Variants in ELAVL2 observed in about 807,000 individuals in gnomAD.
ELAVL2 encodes ELAV like RNA binding protein 2, also known as ELAV-like protein 2.
ELAVL2 carries 4 observed loss-of-function variants against 34.6 expected under a neutral mutation model. The observed-to-expected ratio is 0.12, with a 90% CI of 0.06 to 0.26. The LOEUF is 0.26. Among genes scored for constraint, ELAVL2 ranks in the 10% least tolerant of loss-of-function variants. The pLI, the probability that ELAVL2 is intolerant of heterozygous loss-of-function variation, is 1.00. For synonymous variants in ELAVL2, 193 were observed against 154.8 expected, an observed-to-expected ratio of 1.25 and a Z score of -1.83; for missense variants, 432 against 442.8, an observed-to-expected ratio of 0.98 and a Z score of 0.22.
intron 1 of ELAVL2, among the ~76,000 whole-genome samples, chr9:23,824,599 C>G (rs946812164): frequency 6.6e-6 from 1 of 152,174 alleles, no homozygotes; most frequent in Non-Finnish European, 1.5e-5. Context: ...ATTTAAACTT[C>G]TCTTAGGAAA....
chr9:23,723,958 C>T (rs1424249833), intron 3 of ELAVL2, among the ~76,000 whole-genome samples: 1 of 152,144 alleles, frequency 6.6e-6, no homozygotes, highest in Admixed American at 6.6e-5. Context: ...CTACCTTACA[C>T]AGAAGCAATA....
intron 1 of ELAVL2, among the ~76,000 whole-genome samples, chr9:23,776,086 G>A (rs1204066067): frequency 1.3e-5 from 2 of 152,104 alleles, no homozygotes; most frequent in African/African-American, 2.4e-5. Context: ...CTGCCAAGTG[G>A]GAAAAATTTC....
intron 5 of ELAVL2, among the ~76,000 whole-genome samples, chr9:23,698,774 A>G (rs1406741808): frequency 6.6e-6 from 1 of 152,222 alleles, no homozygotes; most frequent in Non-Finnish European, 1.5e-5. Flanking sequence ...GGAAATCAAG[A>G]TAATGACAAC....
chr9:23,699,165 A>G (rs186571221), intron 5 of ELAVL2, among the ~76,000 whole-genome samples: 2 of 152,212 alleles, frequency 1.3e-5, no homozygotes, highest in East Asian at 1.9e-4. Flanking sequence ...AAATTTGACC[A>G]TAAGAACATC....
chr9:23,765,019 G>C (rs756821196), intron 1 of ELAVL2: 22 of 1,609,426 alleles, frequency 1.4e-5, no homozygotes, highest in East Asian at 6.7e-5. Context: ...CCCGGTCCAA[G>C]GCTCTGCTGC....
chr9:23,831,418 A>C, the ELAVL2 span: 6 of 152,086 alleles, frequency 3.9e-5, no homozygotes, highest in African/African-American at 1.5e-4. Flanking sequence ...GTGTGTTCAG[A>C]TCAAACCCTT....
At chr9:23,763,770 T>C (rs543618128) in intron 1 of ELAVL2, among the ~76,000 whole-genome samples, 7 of 152,148 alleles carry the variant, frequency 4.6e-5, no homozygotes, top group Middle Eastern at 6.8e-3. Context: ...GCTGTCATGA[T>C]AAAAAAACAT....
intron 3 of ELAVL2, among the ~76,000 whole-genome samples, chr9:23,713,406 G>A (rs761837214): frequency 5.3e-5 from 8 of 152,162 alleles, no homozygotes; most frequent in Non-Finnish European, 1.2e-4. Context: ...GCCATTCCAA[G>A]TCTAAGCAGG....
At chr9:23,753,637 C>T (rs1042714118) in intron 2 of ELAVL2, among the ~76,000 whole-genome samples, 2 of 152,034 alleles carry the variant, frequency 1.3e-5, no homozygotes, top group South Asian at 4.1e-4. Context: ...TGTTTTTTAT[C>T]TTCTAACTGA....
chr9:23,835,984 A>G, the ELAVL2 span, among the ~76,000 whole-genome samples: 14 of 152,300 alleles, frequency 9.2e-5, no homozygotes, highest in Admixed American at 1.3e-4. Context: ...TCTATGAGCA[A>G]GTGTAATTAG....
intron 2 of ELAVL2, among the ~76,000 whole-genome samples, chr9:23,760,617 T>C (rs974541223): frequency 1.3e-5 from 2 of 152,072 alleles, no homozygotes; most frequent in Non-Finnish European, 1.5e-5. Context: ...CATATGCTTA[T>C]CACACTCATT....
At position 23,693,290 on chromosome 9, in the gene ELAVL2, T is replaced by C. The variant is rs531579301; in HGVS notation, c.752+158A>G. Reference sequence around the variant, plus strand: ...GGCATCCGGTGGTATAAAAATTTCTTGAGTCAATTGTGCTTCAAAGAGCAG... The same window carrying C: ...GGCATCCGGTGGTATAAAAATTTCTCGAGTCAATTGTGCTTCAAAGAGCAG... On this transcript the variant is annotated intron_variant, in intron 6 of 6. Transcript: ENST00000397312. Among the ~76,000 whole-genome samples, 3 of 152,284 alleles carry C rather than the reference T, an allele frequency of 2.0e-5. No homozygotes were observed. The East Asian group carries it at 5.8e-4, about 29-fold the overall frequency.
intron 2 of ELAVL2, among the ~76,000 whole-genome samples, chr9:23,759,790 A>ATATATATATATATG (rs67618615): frequency 8.1e-6 from 1 of 124,048 alleles, no homozygotes; most frequent in South Asian, 2.6e-4. Flanking sequence ...ATATATATAT[A>ATATATATATATATG]ATGTATAGAA....
rs1563876904 is a variant in ELAVL2 at position 23,691,752 on chromosome 9, TC to T, written c.*804del. On this transcript the variant is annotated 3_prime_UTR_variant, in exon 7 of 7. Coordinates refer to ENST00000397312, the MANE Select transcript of ELAVL2 (RefSeq NM_004432.5). Reference sequence around the variant, plus strand: ...AAGTATTTTCTACACCATAAATCTTTCTAAATTTTCCAACCGCTGCAAATTT... The same window carrying T: ...AAGTATTTTCTACACCATAAATCTTTTAAATTTTCCAACCGCTGCAAATTT... 6.6e-6 allele frequency: 1 copy of T among 152,584 alleles called. No individual in the cohort carries two copies. The highest frequency in any genetic ancestry group is 2.4e-5 in the African/African-American group (1 of 41,460). The allele number at this position is 152,584 out of a possible 1,614,324, so 9.5% of individuals were successfully genotyped here.
At chr9:23,719,658 A>T (rs2043164951) in intron 3 of ELAVL2, among the ~76,000 whole-genome samples, 1 of 152,168 alleles carries the variant, frequency 6.6e-6, no homozygotes, top group Non-Finnish European at 1.5e-5. Context: ...TCCTTTAAAA[A>T]ATTATAGCAT....
chr9:23,815,836 A>C (rs1251075169), intron 1 of ELAVL2, among the ~76,000 whole-genome samples: 2 of 152,116 alleles, frequency 1.3e-5, no homozygotes, highest in Non-Finnish European at 2.9e-5. Context: ...TGATCACAAG[A>C]CCTTATGTGT....
chr9:23,748,103 G>A (rs1357199887), intron 2 of ELAVL2, among the ~76,000 whole-genome samples: 1 of 151,238 alleles, frequency 6.6e-6, no homozygotes. Flanking sequence ...CTAAAAAAAA[G>A]AAATGGCTCT....
At chr9:23,840,508 C>A in the ELAVL2 span, among the ~76,000 whole-genome samples, 1 of 152,158 alleles carries the variant, frequency 6.6e-6, no homozygotes, top group African/African-American at 2.4e-5. Flanking sequence ...GTGGCTTGAG[C>A]TATTTTGGTT....
intron 1 of ELAVL2, chr9:23,764,923 A>C (rs1653047571): frequency 7.7e-7 from 1 of 1,291,526 alleles, no homozygotes; most frequent in South Asian, 1.3e-5. Context: ...GCCAAATGAA[A>C]GATTCAAGTG....
Sources: allele counts gnomAD v4.1 joint callset (sites outside exome capture counted in the v4.1 genomes callset), GRCh38; gene constraint gnomAD v4.1.1; transcripts MANE v1.5; gene names NCBI Gene and HGNC (gene_info 2026-07-23, HGNC 2026-07-21).